The following ANO5 variants were observed in gnomAD, a reference collection of about 807,000 sequenced individuals.
The protein encoded by ANO5 is anoctamin 5.
ANO5 carries 109 observed loss-of-function variants against 121.0 expected under a neutral mutation model. That is an observed-to-expected ratio of 0.90 (90% CI 0.77 to 1.06). ANO5 has a LOEUF of 1.06. ANO5 is among the 50% of genes least tolerant of loss of function. ANO5 has a pLI of 0.00. For missense variants in ANO5, 1,064 were observed against 1,078.5 expected (o/e 0.99, Z 0.19); for synonymous variants, 406 against 359.9 (o/e 1.13, Z -1.45).
rs2133818396 is a variant in ANO5, at chr11:22,281,813, T to C, written c.*2048T>C. ...AAATATACCAACTAAATTATTGGGT[T>C]TCTGGAAGTGAATGGAGAAAACAGC... On this transcript the variant is annotated 3_prime_UTR_variant, in exon 22 of 22. Coordinates refer to ENST00000324559, the MANE Select transcript of ANO5 (RefSeq NM_213599.3). 1 of 152,224 alleles carries C rather than the reference T, an allele frequency of 6.6e-6. No individual in the cohort carries two copies. Among genetic ancestry groups the C allele is most frequent in the East Asian group, 1.9e-4 (1 of 5,186 alleles). The allele number at this position is 152,224 out of a possible 1,614,324, so 9.4% of individuals were successfully genotyped here.
At chr11:22,252,270 T>C (rs1329089838) in intron 12 of ANO5, among the ~76,000 whole-genome samples, 4 of 152,092 alleles carry the variant, frequency 2.6e-5, no homozygotes, top group Non-Finnish European at 4.4e-5. Flanking sequence ...TATACATCCA[T>C]TTTTCATGAG....
intron 21 of ANO5, chr11:22,278,157 TTATC>T (rs947030729): frequency 2.0e-5 from 3 of 151,696 alleles, no homozygotes; most frequent in African/African-American, 4.8e-5. Flanking sequence ...TCTTTGTGTA[TTATC>T]TATTTTTAAA....
chr11:22,250,649 G>A (rs1405012370), intron 10 of ANO5, 92 bp from the exon 11 acceptor site: 1 of 1,284,792 alleles, frequency 7.8e-7, no homozygotes, highest in African/African-American at 1.5e-5. Flanking sequence ...TTATATGTGA[G>A]AAGTTATATA....
At chr11:22,237,734 C>G (rs912262106) in intron 8 of ANO5, among the ~76,000 whole-genome samples, 17 of 152,070 alleles carry the variant, frequency 1.1e-4, no homozygotes, top group African/African-American at 4.1e-4. Flanking sequence ...CCATTTTCAA[C>G]AGGAGTGTCA....
Position 22,281,561 on chromosome 11 carries a change from G to A in ANO5, c.*1796G>A, listed in dbSNP as rs989971614. 1 of 152,050 alleles carries A rather than the reference G, an allele frequency of 6.6e-6. No homozygotes were observed. Among genetic ancestry groups the A allele is most frequent in the Admixed American group, 6.6e-5 (1 of 15,262 alleles). The allele number at this position is 152,050 out of a possible 1,614,324, so 9.4% of individuals were successfully genotyped here. On this transcript the variant is annotated 3_prime_UTR_variant, in exon 22 of 22. Coordinates refer to ENST00000324559, the MANE Select transcript of ANO5 (RefSeq NM_213599.3). Reference sequence around the variant, plus strand: ...GCTTACCATGATGTGTGCAACCAATGTAGGATCTTTGGCTTGTCAAATCAG... The same window carrying A: ...GCTTACCATGATGTGTGCAACCAATATAGGATCTTTGGCTTGTCAAATCAG...
intron 1 of ANO5, among the ~76,000 whole-genome samples, chr11:22,202,112 G>C (rs1851982670): frequency 6.6e-6 from 1 of 151,714 alleles, no homozygotes; most frequent in South Asian, 2.1e-4. Flanking sequence ...CTCATATCAA[G>C]AATGACCCCA....
In ANO5 at chr11:22,231,956, G is replaced by A. The variant is rs76423306; in HGVS notation, c.649-4207G>A. Among the ~76,000 whole-genome samples, 2,055 of 152,032 alleles carry A rather than the reference G, an allele frequency of 0.014. 149 individuals carry two copies. The East Asian group carries it at 0.21, about 16-fold the overall frequency. On this transcript the variant is annotated intron_variant, in intron 7 of 21. Coordinates refer to ENST00000324559, the MANE Select transcript of ANO5 (RefSeq NM_213599.3). ...TCGTAATTATCACAAGGTGAACACAGCCATGTGACCACCACCAACACCTAG... is the reference window on the plus strand; with the variant it reads ...TCGTAATTATCACAAGGTGAACACAACCATGTGACCACCACCAACACCTAG...
At chr11:22,222,364 A>G (rs1852682126) in intron 5 of ANO5, among the ~76,000 whole-genome samples, 1 of 151,684 alleles carries the variant, frequency 6.6e-6, no homozygotes, top group Admixed American at 6.6e-5. Flanking sequence ...TTATTTTGAC[A>G]CTCTGGCCTC....
At position 22,273,138 on chromosome 11, in the gene ANO5, T is replaced by C. The variant is rs970110067; in HGVS notation, c.2235+149T>C. 9.7e-6 allele frequency: 8 copies of C among 821,548 alleles called. No individual in the cohort carries two copies. The East Asian group carries it at 1.3e-4, about 13-fold the overall frequency. The allele number at this position is 821,548 out of a possible 1,614,324, so 50.9% of individuals were successfully genotyped here. A position where few individuals can be genotyped will look rare whatever the true frequency, so the allele number is the denominator to read the frequency against. Reference sequence around the variant, plus strand: ...CGAAATTGTTATGCGCTAACCAATATAGAAAAACCTATGTCATGCAAACTC... The same window carrying C: ...CGAAATTGTTATGCGCTAACCAATACAGAAAAACCTATGTCATGCAAACTC... On this transcript the variant is annotated intron_variant, in intron 19 of 21. Transcript: ENST00000324559.
upstream of ANO5, among the ~76,000 whole-genome samples, chr11:22,192,797 C>A (rs1287629100): frequency 3.9e-5 from 6 of 152,162 alleles, no homozygotes; most frequent in Admixed American, 3.9e-4. Context: ...CGTGCGAAGC[C>A]TGTACAGAAT....
At chr11:22,247,638 A>T (rs1176364761) in intron 9 of ANO5, among the ~76,000 whole-genome samples, 1 of 152,184 alleles carries the variant, frequency 6.6e-6, no homozygotes, top group African/African-American at 2.4e-5. Flanking sequence ...TAGGAATCTG[A>T]GTTCCTAGAT....
chr11:22,250,833 G>T lies in ANO5; in HGVS notation c.1106G>T (p.Cys369Phe). ...VCDYWRLNST[C>F]LASKFSHLFD... ...GATTATTGGAGACTAAATAGTACGTGTTTGGCTTCAAAGGTATGTATGCAT... is the reference window on the plus strand; with the variant it reads ...GATTATTGGAGACTAAATAGTACGTTTTTGGCTTCAAAGGTATGTATGCAT... The change falls in exon 11 of 22, where the codon TGT becomes TTT. Residue 369 changes from cysteine (C) to phenylalanine (F), a missense_variant. Cys to Phe is a radical substitution (Grantham distance 205). Coordinates refer to ENST00000324559, the MANE Select transcript of ANO5 (RefSeq NM_213599.3). 2 of 1,613,968 alleles carry T rather than the reference G, an allele frequency of 1.2e-6. No individual in the cohort carries two copies. The highest frequency in any genetic ancestry group is 1.7e-6 in the Non-Finnish European group (2 of 1,179,882).
At chr11:22,232,358 G>A (rs1053852821) in intron 7 of ANO5, among the ~76,000 whole-genome samples, 3 of 151,824 alleles carry the variant, frequency 2.0e-5, no homozygotes, top group African/African-American at 7.3e-5. Flanking sequence ...TCTCTGGTCT[G>A]TTTTCAATTA....
intron 7 of ANO5, 44 bp from the exon 8 acceptor site, chr11:22,236,119 A>G (rs1315494158): frequency 3.1e-6 from 4 of 1,272,472 alleles, no homozygotes; most frequent in African/African-American, 1.5e-5. Flanking sequence ...TGGAAAGCAT[A>G]AAGTTCTGAG....
intron 12 of ANO5, among the ~76,000 whole-genome samples, chr11:22,253,859 A>G (rs1393282816): frequency 6.6e-6 from 1 of 152,118 alleles, no homozygotes; most frequent in Non-Finnish European, 1.5e-5. Context: ...AGCCAAACTT[A>G]TGGAATCAAA....
intron 1 of ANO5, among the ~76,000 whole-genome samples, chr11:22,199,772 GA>G (rs1261984112): frequency 1.3e-5 from 2 of 151,978 alleles, no homozygotes; most frequent in Non-Finnish European, 2.9e-5. Flanking sequence ...TGAAGTGTAT[GA>G]AAAAAATCTG....
At chr11:22,256,730 T>A (rs574869358) in intron 13 of ANO5, among the ~76,000 whole-genome samples, 1 of 151,644 alleles carries the variant, frequency 6.6e-6, no homozygotes, top group Admixed American at 6.6e-5. Flanking sequence ...ACAGAGTTTT[T>A]TTTTGTTTTG....
intron 5 of ANO5, among the ~76,000 whole-genome samples, chr11:22,224,420 C>A (rs1277646682): frequency 1.3e-5 from 2 of 152,014 alleles, no homozygotes; most frequent in Non-Finnish European, 2.9e-5. Context: ...AGATTTAAAT[C>A]TATGAATTTA....
chr11:22,226,977 G>A (rs538309733), intron 6 of ANO5, among the ~76,000 whole-genome samples: 8 of 152,104 alleles, frequency 5.3e-5, no homozygotes, highest in African/African-American at 1.2e-4. Flanking sequence ...GCCCAGAACC[G>A]CATAGGTTAT....
Sources: allele counts gnomAD v4.1 joint callset (sites outside exome capture counted in the v4.1 genomes callset), GRCh38; gene constraint gnomAD v4.1.1; transcripts MANE v1.5; gene names NCBI Gene and HGNC (gene_info 2026-07-23, HGNC 2026-07-21).